Variants in MMP16 observed in about 807,000 individuals in gnomAD.
MMP16 encodes the protein matrix metallopeptidase 16, also known as matrix metalloproteinase-16.
Under a neutral mutation model 67.8 loss-of-function variants are expected in MMP16, and 12 were observed. The observed-to-expected ratio is 0.18, with a 90% CI of 0.11 to 0.29. The LOEUF (loss-of-function observed/expected upper bound fraction) is 0.29. MMP16 is among the 10% of genes least tolerant of loss of function. The pLI, the probability that MMP16 is intolerant of heterozygous loss-of-function variation, is 1.00. For synonymous variants in MMP16, 249 were observed against 255.9 expected, an observed-to-expected ratio of 0.97 and a Z score of 0.26; for missense variants, 475 against 765.7, an observed-to-expected ratio of 0.62 and a Z score of 4.48.
At chr8:88,129,661 C>T (rs1807993923) in intron 4 of MMP16, among the ~76,000 whole-genome samples, 1 of 151,232 alleles carries the variant, frequency 6.6e-6, no homozygotes. Context: ...TAAAGCAACC[C>T]TCTTTCCATA....
chr8:88,096,245 G>C (rs143650450), intron 6 of MMP16, among the ~76,000 whole-genome samples: 1 of 151,880 alleles, frequency 6.6e-6, no homozygotes, highest in African/African-American at 2.4e-5. Context: ...GTTTGATTAT[G>C]AGTTATTTCC....
chr8:88,167,907 A>G lies in MMP16; in HGVS notation c.471T>C (p.Asp157=). 1 of 1,614,028 alleles carries G rather than the reference A, an allele frequency of 6.2e-7. No individual in the cohort carries two copies. Among genetic ancestry groups the G allele is most frequent in the East Asian group, 2.2e-5 (1 of 44,868 alleles). ...TCAGAGGAGTTACATTCTGCCACAC[A>G]TCAAAGGCACGGCGAATAGCTTTAC... The part of the protein sequence containing the change: ...ETRKAIRRAF[D]VWQNVTPLTF... The change falls in exon 4 of 10, where the codon GAT becomes GAC. Residue 157 remains aspartate, a synonymous_variant. Transcript: ENST00000286614.
chr8:88,149,809 C>A (rs1195900475), intron 4 of MMP16, among the ~76,000 whole-genome samples: 1 of 143,484 alleles, frequency 7.0e-6, no homozygotes, highest in African/African-American at 2.4e-5. Flanking sequence ...GAGCGCCTCT[C>A]CTCCTCCAAA....
At chr8:88,094,186 T>C (rs1328078152) in intron 6 of MMP16, among the ~76,000 whole-genome samples, 1 of 151,846 alleles carries the variant, frequency 6.6e-6, no homozygotes, top group African/African-American at 2.4e-5. Context: ...TTTCCAAACA[T>C]GCTTTAGCCC....
At chr8:88,141,081 T>C (rs1808203493) in intron 4 of MMP16, among the ~76,000 whole-genome samples, 1 of 152,194 alleles carries the variant, frequency 6.6e-6, no homozygotes, top group African/African-American at 2.4e-5. Flanking sequence ...AAGTGAAAGG[T>C]ACTCTCCATA....
intron 1 of MMP16, among the ~76,000 whole-genome samples, chr8:88,244,008 A>G (rs1022248657): frequency 6.6e-6 from 1 of 150,592 alleles, no homozygotes; most frequent in Admixed American, 6.7e-5. Context: ...ATTGTTTTTT[A>G]TTAAAGGTAA....
chr8:88,083,365 C>T (rs1224512360), intron 6 of MMP16, among the ~76,000 whole-genome samples: 1 of 151,936 alleles, frequency 6.6e-6, no homozygotes, highest in African/African-American at 2.4e-5. Context: ...ATAGTTGAGT[C>T]TGGGCTCAAG....
chr8:88,186,546 T>G lies in MMP16; in HGVS notation c.334A>C (p.Lys112Gln), dbSNP rs745987268. 19 of 1,609,586 alleles carry G rather than the reference T, an allele frequency of 1.2e-5. No individual in the cohort carries two copies. In the Admixed American group the frequency reaches 2.9e-4, roughly 24 times the overall value. Residue 112 changes from lysine (K) to glutamine (Q), a missense_variant, in exon 3 of 10, where the codon AAA (lysine) becomes CAA (glutamine). By Grantham distance (53) the Lys-to-Gln change is moderately conservative. This residue lies in a region of MMP16 where 170 missense variants were observed against 239.6 expected (regional missense o/e 0.71). Transcript: ENST00000286614. ...GVPDQTRGSS[K>Q]FHIRRKRYAL... is the part of the protein sequence containing the mutation. ...TATCGCTTTCGACGAATATGAAATT[T>G]GGAGCTACCTCTTGTCTGGTCAGGT...
chr8:88,064,672 T>G (rs1028991872), intron 7 of MMP16, among the ~76,000 whole-genome samples: 38 of 152,242 alleles, frequency 2.5e-4, no homozygotes, highest in African/African-American at 7.7e-4. Flanking sequence ...CCTACTCAAA[T>G]AAATAAATGA....
At chr8:88,074,076 C>T (rs1462824794) in intron 7 of MMP16, among the ~76,000 whole-genome samples, 2 of 152,170 alleles carry the variant, frequency 1.3e-5, no homozygotes, top group African/African-American at 4.8e-5. Context: ...GTTGGTAGTA[C>T]TTGTGAGATT....
intron 1 of MMP16, among the ~76,000 whole-genome samples, chr8:88,211,237 T>G (rs1213211250): frequency 6.6e-6 from 1 of 152,130 alleles, no homozygotes; most frequent in Non-Finnish European, 1.5e-5. Flanking sequence ...TGGGCCATTT[T>G]GCTGGAAGAA....
chr8:88,144,637 A>G (rs979828480), intron 4 of MMP16, among the ~76,000 whole-genome samples: 1 of 151,914 alleles, frequency 6.6e-6, no homozygotes, highest in Non-Finnish European at 1.5e-5. Context: ...ATATGTAAAA[A>G]TAAGGTAAGA....
intron 1 of MMP16, among the ~76,000 whole-genome samples, chr8:88,243,633 G>A (rs1232781346): frequency 6.6e-6 from 1 of 152,146 alleles, no homozygotes; most frequent in Non-Finnish European, 1.5e-5. Context: ...ATTTATGATG[G>A]CATTGCATTA....
chr8:88,258,478 C>T (rs747243443), intron 1 of MMP16, among the ~76,000 whole-genome samples: 10 of 152,116 alleles, frequency 6.6e-5, no homozygotes, highest in Non-Finnish European at 8.8e-5. Context: ...CCTGCCTAAG[C>T]CCTCATTCTC....
chr8:88,245,228 C>T (rs570022867), intron 1 of MMP16, among the ~76,000 whole-genome samples: 3 of 152,262 alleles, frequency 2.0e-5, no homozygotes, highest in South Asian at 2.1e-4. Flanking sequence ...GTTTCCATAT[C>T]GTAGTTAGTT....
At chr8:88,120,100 T>C (rs1161223932) in intron 4 of MMP16, among the ~76,000 whole-genome samples, 1 of 151,914 alleles carries the variant, frequency 6.6e-6, no homozygotes, top group Non-Finnish European at 1.5e-5. Flanking sequence ...TGACAGTACT[T>C]CCTGTGGTCT....
chr8:88,292,929 T>C (rs1374054425), intron 1 of MMP16, among the ~76,000 whole-genome samples: 36 of 152,150 alleles, frequency 2.4e-4, no homozygotes, highest in Admixed American at 2.4e-3. Context: ...TTGAACCCCT[T>C]TGAGAACCTG....
chr8:88,268,993 C>A (rs558329830), intron 1 of MMP16, among the ~76,000 whole-genome samples: 2 of 152,186 alleles, frequency 1.3e-5, no homozygotes, highest in South Asian at 2.1e-4. Context: ...AGGATCTAGG[C>A]AGGATTCCCT....
rs139433518 is a variant in MMP16, at chr8:88,217,326, C to A, written c.133-20020G>T. The stretch of plus-strand genomic sequence containing the variant: ...GGGAATACACGCATGTATGCATATA[C>A]ATGTTTCTATCTGCCTGTATACAGA... On this transcript the variant is annotated intron_variant, in intron 1 of 9. Transcript: ENST00000286614. Among the ~76,000 whole-genome samples, 288 of 152,174 alleles carry A rather than the reference C, an allele frequency of 1.9e-3. 10 individuals carry two copies. The highest frequency in any genetic ancestry group is 0.017 in the Admixed American group (258 of 15,280).
Sources: allele counts gnomAD v4.1 joint callset (sites outside exome capture counted in the v4.1 genomes callset), GRCh38; gene constraint gnomAD v4.1.1; regional missense constraint gnomAD v4.1.1; transcripts MANE v1.5; gene names NCBI Gene and HGNC (gene_info 2026-07-23, HGNC 2026-07-21).